Variants in UMAD1 observed in about 807,000 individuals in gnomAD.
UMAD1 encodes the protein UBAP1-MVB12-associated (UMA)-domain containing protein 1.
In UMAD1, 8 loss-of-function variants were observed where a neutral mutation model predicts 6.1. The ratio of observed to expected loss-of-function variants is 1.30; its 90% CI spans 0.76 to 2.35. The LOEUF (loss-of-function observed/expected upper bound fraction) is 2.35. Ranked by LOEUF, UMAD1 falls within the 30% of genes most tolerant of loss-of-function variation. UMAD1 has a pLI of 0.00. For synonymous variants in UMAD1, 56 were observed against 31.4 expected (o/e 1.78, Z -2.61); for missense variants, 130 against 78.4 (o/e 1.66, Z -2.49).
chr7:7,655,685 G>C (rs1232641742), intron 1 of UMAD1, among the ~76,000 whole-genome samples: 1 of 152,202 alleles, frequency 6.6e-6, no homozygotes, highest in Non-Finnish European at 1.5e-5. Context: ...CTATATATGT[G>C]TATGATGTGA....
At chr7:7,644,925 T>C (rs879720173) in intron 1 of UMAD1, among the ~76,000 whole-genome samples, 19 of 152,356 alleles carry the variant, frequency 1.2e-4, no homozygotes, top group Non-Finnish European at 2.4e-4. Context: ...CACCTGAATG[T>C]CAACTCTTAC....
At chr7:7,854,777 T>C (rs1783983578) in intron 3 of UMAD1, among the ~76,000 whole-genome samples, 1 of 152,174 alleles carries the variant, frequency 6.6e-6, no homozygotes, top group South Asian at 2.1e-4. Flanking sequence ...CCCAGCATTA[T>C]TCCAGCATTA....
At chr7:7,674,036 C>T (rs1400017916) in intron 2 of UMAD1, among the ~76,000 whole-genome samples, 2 of 152,188 alleles carry the variant, frequency 1.3e-5, no homozygotes, top group Admixed American at 1.3e-4. Flanking sequence ...TGTCATGTCA[C>T]ATTTCTTCCC....
intron 2 of UMAD1, among the ~76,000 whole-genome samples, chr7:7,748,623 A>G (rs1157316692): frequency 6.6e-6 from 1 of 152,116 alleles, no homozygotes; most frequent in Non-Finnish European, 1.5e-5. Flanking sequence ...TATTAATAAT[A>G]TAATCATAAT....
intron 2 of UMAD1, among the ~76,000 whole-genome samples, chr7:7,718,015 T>C (rs1780959819): frequency 6.6e-6 from 1 of 152,230 alleles, no homozygotes; most frequent in Non-Finnish European, 1.5e-5. Context: ...AATCTAGTTT[T>C]TAGAATTGAC....
chr7:7,792,383 C>CT (rs1782582187), intron 2 of UMAD1, among the ~76,000 whole-genome samples: 1 of 152,186 alleles, frequency 6.6e-6, no homozygotes, highest in African/African-American at 2.4e-5. Context: ...CTCTATTCCT[C>CT]TTTTCTTCAT....
intron 2 of UMAD1, among the ~76,000 whole-genome samples, chr7:7,710,269 A>G (rs1447130483): frequency 6.6e-6 from 1 of 152,188 alleles, no homozygotes. Flanking sequence ...AAAAAACAAA[A>G]CACCTTGATC....
intron 2 of UMAD1, among the ~76,000 whole-genome samples, chr7:7,693,429 G>C (rs1247881976): frequency 6.6e-6 from 1 of 151,956 alleles, no homozygotes. Context: ...GTAATGTATA[G>C]ACTTTCCAAG....
intron 2 of UMAD1, among the ~76,000 whole-genome samples, chr7:7,773,863 C>T (rs1372863847): frequency 6.6e-6 from 1 of 152,174 alleles, no homozygotes; most frequent in Non-Finnish European, 1.5e-5. Flanking sequence ...CATTTCCAGC[C>T]TTGCAGCCCT....
rs1321908351 is a variant in UMAD1, at chr7:7,713,467, C to T, written c.82+40014C>T. On this transcript the variant is annotated intron_variant, in intron 2 of 3. Coordinates refer to ENST00000682710, the MANE Select transcript of UMAD1 (RefSeq NM_001302348.2). ...TCTGGGATTTTCATTATGTTCTGCT[C>T]CTCCCCCCCATGGCAATATTGTTTA... Among the ~76,000 whole-genome samples, 8 of 150,478 alleles carry T rather than the reference C, an allele frequency of 5.3e-5. No individual in the cohort carries two copies. In the South Asian group the frequency reaches 1.3e-3, roughly 24 times the overall value.
At chr7:7,650,420 A>G (rs941245807) in intron 1 of UMAD1, among the ~76,000 whole-genome samples, 6 of 152,322 alleles carry the variant, frequency 3.9e-5, no homozygotes, top group Admixed American at 3.9e-4. Flanking sequence ...AATTTCTTCC[A>G]AAACTAATGT....
intron 1 of UMAD1, among the ~76,000 whole-genome samples, chr7:7,654,740 T>G (rs754054208): frequency 2.0e-4 from 31 of 151,928 alleles, no homozygotes; most frequent in Non-Finnish European, 3.7e-4. Flanking sequence ...CCATCTCTAC[T>G]AAAAAATACA....
chr7:7,849,027 A>T (rs1186864414), intron 3 of UMAD1, among the ~76,000 whole-genome samples: 1 of 152,146 alleles, frequency 6.6e-6, no homozygotes, highest in Non-Finnish European at 1.5e-5. Context: ...TATTTCCCTT[A>T]TGTTGAAATT....
At chr7:7,807,567 A>G (rs980879087) in intron 3 of UMAD1, among the ~76,000 whole-genome samples, 2 of 152,090 alleles carry the variant, frequency 1.3e-5, no homozygotes, top group African/African-American at 4.8e-5. Flanking sequence ...ATTCAAGTAC[A>G]TCTCTCGACC....
intron 3 of UMAD1, among the ~76,000 whole-genome samples, chr7:7,848,058 T>C (rs1345194815): frequency 6.6e-6 from 1 of 152,196 alleles, no homozygotes; most frequent in Non-Finnish European, 1.5e-5. Flanking sequence ...GAAAGATACC[T>C]GTAGAAGCTC....
At chr7:7,821,283 A>G (rs1783237625) in intron 3 of UMAD1, among the ~76,000 whole-genome samples, 1 of 152,202 alleles carries the variant, frequency 6.6e-6, no homozygotes, top group Non-Finnish European at 1.5e-5. Flanking sequence ...ATTCAGATGT[A>G]AAATACATGC....
chr7:7,761,870 T>C (rs778703286), intron 2 of UMAD1, among the ~76,000 whole-genome samples: 14 of 152,240 alleles, frequency 9.2e-5, no homozygotes, highest in East Asian at 1.9e-4. Context: ...ATCTTTTCTT[T>C]CTATTCTGAA....
intron 2 of UMAD1, among the ~76,000 whole-genome samples, chr7:7,767,687 C>A (rs1263943172): frequency 1.3e-5 from 2 of 152,246 alleles, no homozygotes; most frequent in African/African-American, 4.8e-5. Flanking sequence ...GTTTGAAGAG[C>A]CTTGTTTATA....
chr7:7,827,137 ATATATATATATGTG>A (rs1462571481), intron 3 of UMAD1, among the ~76,000 whole-genome samples: 21 of 129,546 alleles, frequency 1.6e-4, no homozygotes, highest in East Asian at 2.4e-4. Flanking sequence ...ATATATATAT[ATATATATATATGTG>A]TGTGTGTGTG....
Sources: gnomAD v4.1 joint callset for allele counts (sites outside exome capture counted in the v4.1 genomes callset) on GRCh38, gnomAD v4.1.1 for gene constraint, MANE v1.5 for transcripts, NCBI Gene and HGNC (gene_info 2026-07-23, HGNC 2026-07-21) for gene names.